GPHN: variants seen among roughly 807,000 people sequenced by gnomAD.
The protein encoded by GPHN is gephyrin.
Under a neutral mutation model 95.5 loss-of-function variants are expected in GPHN, and 17 were observed. That is an observed-to-expected ratio of 0.18 (90% CI 0.12 to 0.27). The LOEUF is 0.27. Ranked by LOEUF, GPHN falls within the 10% of genes least tolerant of loss-of-function variation. The pLI, the probability that GPHN is intolerant of heterozygous loss-of-function variation, is 1.00. For synonymous variants in GPHN, 320 were observed against 322.5 expected (o/e 0.99, Z 0.08); for missense variants, 660 against 978.1 (o/e 0.67, Z 4.34).
the GPHN span, chr14:67,312,418 AT>A: frequency 1.3e-6 from 1 of 783,772 alleles, no homozygotes; most frequent in East Asian, 3.1e-5. Context: ...TCTCTATTAA[AT>A]TTTTTTAAAA....
intron 9 of GPHN, among the ~76,000 whole-genome samples, chr14:67,012,886 G>A (rs895401472): frequency 4.6e-5 from 7 of 151,978 alleles, no homozygotes; most frequent in Non-Finnish European, 1.0e-4. Context: ...GTCTAAAATA[G>A]CTATACCTTA....
chr14:66,871,325 A>G (rs1323487138), intron 4 of GPHN, among the ~76,000 whole-genome samples: 1 of 152,198 alleles, frequency 6.6e-6, no homozygotes, highest in Non-Finnish European at 1.5e-5. Context: ...GTGTGCTACT[A>G]TACTTTGGGA....
chr14:66,794,288 G>T (rs1006716515), intron 3 of GPHN, among the ~76,000 whole-genome samples: 1 of 152,088 alleles, frequency 6.6e-6, no homozygotes, highest in East Asian at 1.9e-4. Flanking sequence ...AAAGTGTGTA[G>T]CCCCTTCCCA....
chr14:67,335,155 A>ATCAT, the GPHN span: 1 of 152,254 alleles, frequency 6.6e-6, no homozygotes, highest in South Asian at 2.1e-4. Context: ...AAGTCTATCA[A>ATCAT]TCATTCTCCC....
the GPHN span, among the ~76,000 whole-genome samples, chr14:67,446,690 A>T: frequency 1.3e-5 from 2 of 152,054 alleles, no homozygotes; most frequent in Non-Finnish European, 2.9e-5. Context: ...AGGGAGAGCC[A>T]CTATGCTGGG....
At chr14:66,995,857 G>A (rs1442160863) in intron 9 of GPHN, among the ~76,000 whole-genome samples, 2 of 152,184 alleles carry the variant, frequency 1.3e-5, no homozygotes, top group East Asian at 3.8e-4. Context: ...GTGAAGATCA[G>A]TGCAGTACCG....
chr14:67,052,511 A>G (rs751846378), intron 10 of GPHN, among the ~76,000 whole-genome samples: 2 of 152,206 alleles, frequency 1.3e-5, no homozygotes, highest in Non-Finnish European at 2.9e-5. Context: ...GGGAGGCTTT[A>G]ATACTGCACT....
intron 1 of GPHN, among the ~76,000 whole-genome samples, chr14:66,638,155 T>C (rs1595359258): frequency 6.6e-6 from 1 of 152,150 alleles, no homozygotes; most frequent in Admixed American, 6.5e-5. Flanking sequence ...TATTTCATCA[T>C]TACTTATCAG....
the GPHN span, among the ~76,000 whole-genome samples, chr14:67,464,075 AGTGT>A: frequency 4.6e-5 from 7 of 150,802 alleles, no homozygotes; most frequent in African/African-American, 1.7e-4. Flanking sequence ...TATGTGTGAG[AGTGT>A]GTGTGTGTGT....
At chr14:67,279,386 A>G in the GPHN span, 1 of 1,613,760 alleles carries the variant, frequency 6.2e-7, no homozygotes, top group African/African-American at 1.3e-5. Context: ...GGAGAGAGGA[A>G]GAAGGGAAAA....
the GPHN span, chr14:67,647,020 T>A: frequency 6.2e-7 from 1 of 1,605,482 alleles, no homozygotes; most frequent in Non-Finnish European, 8.5e-7. Flanking sequence ...ATCTGCTGAT[T>A]GGCAAGTAAG....
At chr14:67,323,105 A>G in the GPHN span, among the ~76,000 whole-genome samples, 19 of 152,230 alleles carry the variant, frequency 1.2e-4, no homozygotes, top group South Asian at 1.2e-3. Context: ...AGGTGTTTTA[A>G]TATCACATAG....
At chr14:66,877,949 G>T (rs1345401099) in intron 4 of GPHN, among the ~76,000 whole-genome samples, 1 of 152,138 alleles carries the variant, frequency 6.6e-6, no homozygotes, top group Non-Finnish European at 1.5e-5. Flanking sequence ...AAAGCTGGAG[G>T]CATCACACTA....
At chr14:66,711,750 C>T (rs2069656641) in intron 2 of GPHN, among the ~76,000 whole-genome samples, 1 of 151,706 alleles carries the variant, frequency 6.6e-6, no homozygotes, top group Admixed American at 6.6e-5. Context: ...AGCCCCCTAC[C>T]CCCCCACAGG....
At chr14:66,589,633 A>G (rs2061558720) in intron 1 of GPHN, among the ~76,000 whole-genome samples, 1 of 152,168 alleles carries the variant, frequency 6.6e-6, no homozygotes, top group Admixed American at 6.5e-5. Context: ...AGAGCTAACT[A>G]TCCTAAATAC....
At chr14:66,941,492 G>T (rs980938537) in intron 8 of GPHN, among the ~76,000 whole-genome samples, 18 of 152,026 alleles carry the variant, frequency 1.2e-4, no homozygotes, top group Admixed American at 3.3e-4. Flanking sequence ...TCCTCTTAAG[G>T]TCCCAGGATA....
chr14:66,996,155 C>A (rs1248459240), intron 9 of GPHN: 3 of 1,519,994 alleles, frequency 2.0e-6, no homozygotes, highest in African/African-American at 1.4e-5. Flanking sequence ...ACAGTGTTTT[C>A]TTTTCCCCAC....
At chr14:67,652,403 G>A in the GPHN span, 21,813 of 180,464 alleles carry the variant, frequency 0.12, 1,396 homozygotes, top group East Asian at 0.19. Flanking sequence ...ACCACAGCCA[G>A]CTGATGCATG....
At chr14:66,719,110 C>T (rs979097048) in intron 2 of GPHN, among the ~76,000 whole-genome samples, 1 of 152,178 alleles carries the variant, frequency 6.6e-6, no homozygotes. Context: ...GGGCTGAGAA[C>T]TTGCACCAGG....
Sources: allele counts gnomAD v4.1 joint callset (sites outside exome capture counted in the v4.1 genomes callset), GRCh38; gene constraint gnomAD v4.1.1; transcripts MANE v1.5; gene names NCBI Gene and HGNC (gene_info 2026-07-23, HGNC 2026-07-21).